AOPEP: variants seen among roughly 807,000 people sequenced by gnomAD.
The protein encoded by AOPEP is aminopeptidase O (putative), also known as aminopeptidase O.
In AOPEP, 77 loss-of-function variants were observed where a neutral mutation model predicts 98.1. The ratio of observed to expected loss-of-function variants is 0.78; its 90% confidence interval spans 0.65 to 0.95. The LOEUF (loss-of-function observed/expected upper bound fraction) is 0.95. AOPEP is among the 40% of genes least tolerant of loss of function. AOPEP has a pLI of 0.00. For synonymous variants in AOPEP, 346 were observed against 365.3 expected (o/e 0.95, Z 0.60); for missense variants, 1,024 against 1,024.7 (o/e 1.00, Z 0.01).
intron 1 of AOPEP, among the ~76,000 whole-genome samples, chr9:94,730,061 G>C (rs1383819497): frequency 6.6e-6 from 1 of 152,190 alleles, no homozygotes; most frequent in African/African-American, 2.4e-5. Flanking sequence ...GAGGTGGGTA[G>C]ATCACGAGGT....
the AOPEP span, among the ~76,000 whole-genome samples, chr9:95,148,547 C>T: frequency 6.6e-6 from 1 of 152,234 alleles, no homozygotes; most frequent in Non-Finnish European, 1.5e-5. Flanking sequence ...TGTCCACCAA[C>T]ATAAGCTTGA....
chr9:95,126,843 G>A, the AOPEP span: 2 of 459,368 alleles, frequency 4.4e-6, no homozygotes, highest in Non-Finnish European at 8.0e-6. Flanking sequence ...AAGCTCAGGC[G>A]ATCCATAATA....
chr9:94,940,707 A>G (rs1318680574), intron 7 of AOPEP, among the ~76,000 whole-genome samples: 1 of 152,246 alleles, frequency 6.6e-6, no homozygotes, highest in East Asian at 1.9e-4. Context: ...GTCCTCTGGC[A>G]CTTGGAAAAG....
intron 13 of AOPEP, among the ~76,000 whole-genome samples, chr9:95,035,909 G>A (rs147886679): frequency 1.3e-3 from 194 of 152,094 alleles, no homozygotes; most frequent in African/African-American, 4.3e-3. Context: ...CATTCACTCA[G>A]TTATGACAGA....
At chr9:94,946,817 CAA>C (rs113167570) in intron 7 of AOPEP, among the ~76,000 whole-genome samples, 10 of 152,240 alleles carry the variant, frequency 6.6e-5, no homozygotes, top group African/African-American at 2.4e-4. Context: ...CCAAATGTGA[CAA>C]CTGAACTGAA....
At chr9:94,849,327 A>G (rs2043241177) in intron 5 of AOPEP, among the ~76,000 whole-genome samples, 1 of 152,204 alleles carries the variant, frequency 6.6e-6, no homozygotes, top group South Asian at 2.1e-4. Flanking sequence ...GAGATAATGT[A>G]TGTAAGGCAT....
chr9:94,959,130 G>T (rs1435481156), intron 9 of AOPEP, among the ~76,000 whole-genome samples: 1 of 151,878 alleles, frequency 6.6e-6, no homozygotes, highest in Non-Finnish European at 1.5e-5. Context: ...TGCAAGCTCC[G>T]CCTCCTGGGT....
chr9:94,788,594 G>C (rs905697495), intron 3 of AOPEP, among the ~76,000 whole-genome samples: 1 of 151,962 alleles, frequency 6.6e-6, no homozygotes, highest in African/African-American at 2.4e-5. Context: ...CAGGAGCAGG[G>C]GACTGAAATA....
chr9:95,002,446 C>T (rs1460184224), intron 11 of AOPEP, among the ~76,000 whole-genome samples: 1 of 150,346 alleles, frequency 6.7e-6, no homozygotes, highest in Non-Finnish European at 1.5e-5. Context: ...AACTGAACAT[C>T]ACAGAGTGAG....
intron 13 of AOPEP, among the ~76,000 whole-genome samples, chr9:95,057,530 A>C (rs984939485): frequency 6.6e-6 from 1 of 152,242 alleles, no homozygotes; most frequent in Non-Finnish European, 1.5e-5. Flanking sequence ...CTTTACGGGG[A>C]GCAAATGTTT....
At chr9:94,884,730 G>A (rs1443216726) in intron 5 of AOPEP, among the ~76,000 whole-genome samples, 1 of 152,208 alleles carries the variant, frequency 6.6e-6, no homozygotes. Context: ...ATCAGGCACT[G>A]GCCGGGCGCG....
At chr9:94,867,456 G>A (rs979854904) in intron 5 of AOPEP, among the ~76,000 whole-genome samples, 2 of 152,140 alleles carry the variant, frequency 1.3e-5, no homozygotes, top group Admixed American at 1.3e-4. Context: ...GTATAAGTCT[G>A]CCTGTTCCAC....
chr9:95,017,910 T>C (rs1024178948), intron 13 of AOPEP, among the ~76,000 whole-genome samples: 1 of 152,262 alleles, frequency 6.6e-6, no homozygotes, highest in African/African-American at 2.4e-5. Context: ...GTCTTTTGGA[T>C]CTGCTTCTTT....
At chr9:95,032,167 G>A (rs2064367562) in intron 13 of AOPEP, among the ~76,000 whole-genome samples, 1 of 152,210 alleles carries the variant, frequency 6.6e-6, no homozygotes, top group Non-Finnish European at 1.5e-5. Context: ...GTGTGTGTCT[G>A]AGAAAAACCC....
chr9:95,039,352 A>AGCT (rs922597469), intron 13 of AOPEP, among the ~76,000 whole-genome samples: 3 of 152,296 alleles, frequency 2.0e-5, no homozygotes, highest in Admixed American at 2.0e-4. Flanking sequence ...AGATCACTTG[A>AGCT]GCCCAGCAAT....
chr9:94,898,101 A>T, intron 5 of AOPEP, among the ~76,000 whole-genome samples: 1 of 151,912 alleles, frequency 6.6e-6, no homozygotes, highest in East Asian at 2.0e-4. Context: ...CAGCCTCCCG[A>T]AATGCTGGGA....
chr9:94,940,746 G>A (rs12551506), intron 7 of AOPEP, among the ~76,000 whole-genome samples: 16,977 of 152,174 alleles, frequency 0.11, 1,915 homozygotes, highest in African/African-American at 0.29. Flanking sequence ...AGAGGGCACA[G>A]GGACACAGCC....
At chr9:95,057,997 G>A (rs979007078) in intron 13 of AOPEP, among the ~76,000 whole-genome samples, 10 of 152,112 alleles carry the variant, frequency 6.6e-5, no homozygotes, top group East Asian at 3.8e-4. Flanking sequence ...CTTCCATCTC[G>A]CGGTCTTAAG....
intron 13 of AOPEP, among the ~76,000 whole-genome samples, chr9:95,041,200 A>G (rs1007150472): frequency 2.0e-5 from 3 of 152,194 alleles, no homozygotes; most frequent in Non-Finnish European, 2.9e-5. Context: ...TCAGGAACTT[A>G]GCCAGTTTTC....
Sources: allele counts gnomAD v4.1 joint callset (sites outside exome capture counted in the v4.1 genomes callset), GRCh38; gene constraint gnomAD v4.1.1; transcripts MANE v1.5; gene names NCBI Gene and HGNC (gene_info 2026-07-23, HGNC 2026-07-21).